The following MAP4K3 variants were observed in gnomAD, a reference collection of about 807,000 sequenced individuals.
MAP4K3 encodes mitogen-activated protein kinase kinase kinase kinase 3.
A neutral mutation model predicts 143.5 loss-of-function variants in MAP4K3; 94 were observed. That is an observed-to-expected ratio of 0.65 (90% CI 0.55 to 0.78). The LOEUF is 0.78. Among genes scored for constraint, MAP4K3 ranks in the 30% least tolerant of loss-of-function variants. The probability of loss-of-function intolerance (pLI) is 0.00; values close to 1 mark genes in which losing one functional copy is unlikely to be tolerated. For missense variants in MAP4K3, 1,077 were observed against 1,068.1 expected (o/e 1.01, Z -0.12); for synonymous variants, 416 against 347.2 (o/e 1.20, Z -2.20).
Position 39,336,039 on chromosome 2 carries a change from A to G in MAP4K3, c.414+881T>C, listed in dbSNP as rs1027695914. ...AGAAGGCACAAGAAAAATAAGTGAAAGAAAAAAAATCTAAACTGGGGAGAT... is the reference window on the plus strand; with the variant it reads ...AGAAGGCACAAGAAAAATAAGTGAAGGAAAAAAAATCTAAACTGGGGAGAT... On this transcript the variant is annotated intron_variant, in intron 6 of 33. Coordinates refer to ENST00000263881, the MANE Select transcript of MAP4K3 (RefSeq NM_003618.4). 2.0e-5 allele frequency among the ~76,000 whole-genome samples: 3 copies of G among 152,332 alleles called. No individual in the cohort carries two copies. In the East Asian group the frequency reaches 5.8e-4, roughly 29 times the overall value.
In MAP4K3 at chr2:39,292,839, GATA is replaced by G. The variant is rs1558627339; in HGVS notation, c.1218-16_1218-14del. The G allele has an allele frequency of 3.1e-6, 5 of 1,605,934 alleles. No homozygotes were observed. The highest frequency in any genetic ancestry group is 1.1e-5 in the South Asian group (1 of 90,760). ...TGCGACGTGTCCTCTAAATAAAAAGGATAATGTCATTGTTATTAAATGGATTTT... is the reference window on the plus strand; with the variant it reads ...TGCGACGTGTCCTCTAAATAAAAAGGATGTCATTGTTATTAAATGGATTTT... On this transcript the variant is annotated splice_polypyrimidine_tract_variant and intron_variant, in intron 17 of 33. Transcript: ENST00000263881.
chr2:39,354,815 G>C (rs1433245228), intron 3 of MAP4K3, among the ~76,000 whole-genome samples: 1 of 152,204 alleles, frequency 6.6e-6, no homozygotes, highest in Non-Finnish European at 1.5e-5. Context: ...GAATACCCTA[G>C]TCTTTTCTGT....
At chr2:39,424,528 G>C (rs1475285018) in intron 1 of MAP4K3, among the ~76,000 whole-genome samples, 4 of 151,698 alleles carry the variant, frequency 2.6e-5, no homozygotes, top group Admixed American at 6.6e-5. Flanking sequence ...AGCAAAAACA[G>C]TTTTTTTAAA....
At chr2:39,291,246 G>T (rs567720190) in intron 18 of MAP4K3, among the ~76,000 whole-genome samples, 2 of 152,076 alleles carry the variant, frequency 1.3e-5, no homozygotes, top group African/African-American at 4.8e-5. Flanking sequence ...ACAGAAATTT[G>T]TATTATAATT....
intron 32 of MAP4K3, among the ~76,000 whole-genome samples, chr2:39,252,858 G>C (rs562942070): frequency 6.6e-6 from 1 of 152,336 alleles, no homozygotes; most frequent in South Asian, 2.1e-4. Context: ...TCATGACTGT[G>C]ATTACCAATA....
intron 23 of MAP4K3, among the ~76,000 whole-genome samples, chr2:39,278,745 G>C (rs1253447940): frequency 6.6e-6 from 1 of 152,186 alleles, no homozygotes; most frequent in Non-Finnish European, 1.5e-5. Flanking sequence ...TCACTCATCA[G>C]AGAATGCTAA....
chr2:39,288,754 T>C (rs1484129331), intron 19 of MAP4K3, among the ~76,000 whole-genome samples: 1 of 152,214 alleles, frequency 6.6e-6, no homozygotes, highest in Non-Finnish European at 1.5e-5. Context: ...AGGATACCAA[T>C]TAAAATGTTA....
intron 2 of MAP4K3, among the ~76,000 whole-genome samples, chr2:39,363,576 G>T (rs1460373556): frequency 6.7e-6 from 1 of 149,296 alleles, no homozygotes; most frequent in Admixed American, 6.8e-5. Context: ...GACTGAGGTG[G>T]GAGAATTGCT....
At chr2:39,290,523 G>A (rs1573102978) in intron 18 of MAP4K3, among the ~76,000 whole-genome samples, 189 bp from the exon 19 acceptor site, 1 of 152,104 alleles carries the variant, frequency 6.6e-6, no homozygotes, top group South Asian at 2.1e-4. Context: ...ACTGGGAACT[G>A]GAGGACATTA....
At position 39,330,670 on chromosome 2, in the gene MAP4K3, C is replaced by T. The variant is rs559944009; in HGVS notation, c.530+1247G>A. ...AAAAACAAAAATAAAGCAACAACAA[C>T]CCGACAAAAATCAGCACTGACAGAT... is the stretch of plus-strand genomic sequence containing the variant. On this transcript the variant is annotated intron_variant, in intron 8 of 33. Transcript: ENST00000263881. Among the ~76,000 whole-genome samples, 22 of 152,108 alleles carry T rather than the reference C, an allele frequency of 1.4e-4. No individual in the cohort carries two copies. In the South Asian group the frequency reaches 4.4e-3, roughly 30 times the overall value.
At chr2:39,396,605 C>G (rs915777849) in intron 1 of MAP4K3, among the ~76,000 whole-genome samples, 2 of 151,472 alleles carry the variant, frequency 1.3e-5, no homozygotes, top group Admixed American at 1.3e-4. Context: ...TCCCAAGTAG[C>G]TGGGACTACA....
intron 1 of MAP4K3, among the ~76,000 whole-genome samples, chr2:39,400,571 C>G (rs1469509512): frequency 6.6e-6 from 1 of 151,946 alleles, no homozygotes; most frequent in Non-Finnish European, 1.5e-5. Flanking sequence ...ATTTACATTT[C>G]CAGTGCCTAT....
intron 16 of MAP4K3, among the ~76,000 whole-genome samples, chr2:39,297,988 T>C (rs1682350883): frequency 1.3e-5 from 2 of 152,284 alleles, no homozygotes; most frequent in Admixed American, 1.3e-4. Context: ...GAAAAGCATT[T>C]AGTGAGGGGC....
At chr2:39,343,338 A>G (rs745982042) in intron 4 of MAP4K3, 50 bp downstream of exon 4, 1 of 1,250,956 alleles carries the variant, frequency 8.0e-7, no homozygotes. Context: ...AAATAGCTGT[A>G]TTTTAAGAAA....
At chr2:39,399,646 A>T (rs533146762) in intron 1 of MAP4K3, among the ~76,000 whole-genome samples, 17 of 152,338 alleles carry the variant, frequency 1.1e-4, no homozygotes, top group African/African-American at 3.6e-4. Context: ...ATTTTAGTGA[A>T]GACTGCCTAG....
At chr2:39,436,836 G>T (rs1665501827) in intron 1 of MAP4K3, 56 bp downstream of exon 1, 2 of 1,492,276 alleles carry the variant, frequency 1.3e-6, no homozygotes, top group Non-Finnish European at 9.2e-7. Context: ...GGACGCCCAG[G>T]CTTGGCTGCG....
intron 3 of MAP4K3, among the ~76,000 whole-genome samples, chr2:39,344,663 C>T (rs1182646306): frequency 2.0e-5 from 3 of 152,098 alleles, no homozygotes; most frequent in Non-Finnish European, 2.9e-5. Flanking sequence ...AATGCATAAT[C>T]CAGGCATGTA....
chr2:39,431,127 T>C (rs1024301572), intron 1 of MAP4K3, among the ~76,000 whole-genome samples: 9 of 152,242 alleles, frequency 5.9e-5, no homozygotes, highest in African/African-American at 1.9e-4. Flanking sequence ...CATGTGGTGA[T>C]ACATGCCATA....
At chr2:39,325,693 T>G in intron 11 of MAP4K3, 37 bp downstream of exon 11, 1 of 1,559,762 alleles carries the variant, frequency 6.4e-7, no homozygotes, top group Non-Finnish European at 8.8e-7. Flanking sequence ...TTTTATCTTT[T>G]GAAATATATA....
Sources: allele counts gnomAD v4.1 joint callset (sites outside exome capture counted in the v4.1 genomes callset), GRCh38; gene constraint gnomAD v4.1.1; transcripts MANE v1.5; gene names NCBI Gene and HGNC (gene_info 2026-07-23, HGNC 2026-07-21).